PHF14: variants seen among roughly 807,000 people sequenced by gnomAD.
PHF14 encodes PHD finger protein 14.
A neutral mutation model predicts 117.9 loss-of-function variants in PHF14; 55 were observed. The ratio of observed to expected loss-of-function variants is 0.47; its 90% CI spans 0.38 to 0.58. The LOEUF is 0.58. PHF14 is among the 20% of genes least tolerant of loss of function. The pLI, the probability that PHF14 is intolerant of heterozygous loss-of-function variation, is 0.00. For missense variants in PHF14, 978 were observed against 1,122.2 expected, an observed-to-expected ratio of 0.87 and a Z score of 1.84; for synonymous variants, 409 against 368.6, an observed-to-expected ratio of 1.11 and a Z score of -1.26.
At chr7:11,111,716 A>C (rs922812041) in intron 17 of PHF14, among the ~76,000 whole-genome samples, 2 of 152,098 alleles carry the variant, frequency 1.3e-5, no homozygotes, top group African/African-American at 4.8e-5. Context: ...TTATTGTAAC[A>C]TATTAAATAG....
At chr7:11,054,830 T>A (rs929413631) in intron 14 of PHF14, among the ~76,000 whole-genome samples, 6 of 152,320 alleles carry the variant, frequency 3.9e-5, no homozygotes, top group African/African-American at 1.4e-4. Flanking sequence ...TGTCTTGTAA[T>A]ACATTATTAT....
chr7:11,089,755 T>G (rs1388182077), intron 16 of PHF14, among the ~76,000 whole-genome samples: 3 of 138,378 alleles, frequency 2.2e-5, no homozygotes, highest in Non-Finnish European at 4.6e-5. Context: ...GAATTGTTCA[T>G]GCATTCTTTT....
intron 17 of PHF14, among the ~76,000 whole-genome samples, chr7:11,146,551 A>C (rs1027166651): frequency 6.6e-6 from 1 of 152,300 alleles, no homozygotes; most frequent in Middle Eastern, 3.4e-3. Flanking sequence ...CCTGACTACA[A>C]TCATGTAGAG....
At chr7:11,063,707 A>T (rs2128330278) in intron 16 of PHF14, 1 of 879,142 alleles carries the variant, frequency 1.1e-6, no homozygotes, top group Admixed American at 6.2e-5. Context: ...GGAACCTGAG[A>T]AATACAATTT....
intron 16 of PHF14, among the ~76,000 whole-genome samples, chr7:11,079,108 TCTAA>T (rs762323060): frequency 8.5e-5 from 13 of 152,194 alleles, no homozygotes; most frequent in South Asian, 2.1e-4. Flanking sequence ...TTGAATGAGC[TCTAA>T]CTATTACAAT....
chr7:11,053,959 A>T (rs1784931450), intron 14 of PHF14, among the ~76,000 whole-genome samples: 1 of 151,962 alleles, frequency 6.6e-6, no homozygotes, highest in Non-Finnish European at 1.5e-5. Context: ...CATGACCAGT[A>T]ATTTCAGGAA....
intron 16 of PHF14, among the ~76,000 whole-genome samples, chr7:11,085,544 G>T (rs963934435): frequency 6.6e-6 from 1 of 152,098 alleles, no homozygotes; most frequent in Admixed American, 6.6e-5. Context: ...AAATTTAATC[G>T]TTTTTTAATT....
chr7:11,135,312 G>T (rs1166417515), intron 17 of PHF14, among the ~76,000 whole-genome samples: 3 of 152,008 alleles, frequency 2.0e-5, no homozygotes, highest in Non-Finnish European at 4.4e-5. Context: ...TGATGACAGT[G>T]AACCTGACCA....
chr7:11,145,955 CA>C (rs201732828), intron 17 of PHF14, among the ~76,000 whole-genome samples: 3,101 of 151,976 alleles, frequency 0.02, 96 homozygotes, highest in East Asian at 0.12. Flanking sequence ...AAAGCAATGG[CA>C]GATAACTCTT....
intron 4 of PHF14, among the ~76,000 whole-genome samples, chr7:10,995,191 C>T (rs1359501496): frequency 6.6e-6 from 1 of 151,916 alleles, no homozygotes; most frequent in Non-Finnish European, 1.5e-5. Flanking sequence ...ATTTACAATC[C>T]CTTAGCTAGA....
At chr7:11,100,212 A>G (rs910226135) in intron 16 of PHF14, among the ~76,000 whole-genome samples, 3 of 152,100 alleles carry the variant, frequency 2.0e-5, no homozygotes, top group Non-Finnish European at 1.5e-5. Flanking sequence ...TAATAATGAA[A>G]CGAGGTGAAC....
At chr7:11,041,825 G>C (rs1247717499) in intron 12 of PHF14, among the ~76,000 whole-genome samples, 2 of 150,588 alleles carry the variant, frequency 1.3e-5, no homozygotes, top group Non-Finnish European at 3.0e-5. Flanking sequence ...CTGAGACCAG[G>C]TACTGGTTAT....
chr7:11,057,085 A>T (rs1435989933), intron 14 of PHF14, among the ~76,000 whole-genome samples: 1 of 152,060 alleles, frequency 6.6e-6, no homozygotes, highest in Non-Finnish European at 1.5e-5. Context: ...ATTTGTATAA[A>T]TATTGATATG....
intron 7 of PHF14, among the ~76,000 whole-genome samples, chr7:11,029,962 T>C (rs1281162643): frequency 6.6e-6 from 1 of 151,968 alleles, no homozygotes; most frequent in Non-Finnish European, 1.5e-5. Context: ...GAAGAAAAAT[T>C]GTAGAAAAAA....
chr7:11,038,139 C>T (rs1029178994), intron 10 of PHF14, among the ~76,000 whole-genome samples: 1 of 152,024 alleles, frequency 6.6e-6, no homozygotes, highest in African/African-American at 2.4e-5. Context: ...GGAGGCCGAG[C>T]GCAGTGGCTC....
chr7:11,143,973 A>G (rs1788471063), intron 17 of PHF14, among the ~76,000 whole-genome samples: 1 of 152,170 alleles, frequency 6.6e-6, no homozygotes, highest in Non-Finnish European at 1.5e-5. Flanking sequence ...ATTGCAGAGT[A>G]TTCACCCAGT....
At chr7:11,071,814 A>G (rs1453654782) in intron 16 of PHF14, among the ~76,000 whole-genome samples, 3 of 152,218 alleles carry the variant, frequency 2.0e-5, no homozygotes, top group African/African-American at 7.2e-5. Context: ...GAGAACTTCT[A>G]ATTAAAGAAG....
At chr7:11,027,729 C>T (rs535443519) in intron 6 of PHF14, among the ~76,000 whole-genome samples, 1 of 152,178 alleles carries the variant, frequency 6.6e-6, no homozygotes, top group African/African-American at 2.4e-5. Flanking sequence ...ATATTTAAAA[C>T]ATGCATGATT....
chr7:10,992,450 G>C (rs1340287559), intron 4 of PHF14, among the ~76,000 whole-genome samples: 1 of 150,492 alleles, frequency 6.6e-6, no homozygotes. Context: ...ATCACCTGAG[G>C]TCAGGAGTTT....
Sources: allele counts gnomAD v4.1 joint callset (sites outside exome capture counted in the v4.1 genomes callset), GRCh38; gene constraint gnomAD v4.1.1; transcripts MANE v1.5; gene names NCBI Gene and HGNC (gene_info 2026-07-23, HGNC 2026-07-21).